CDH4: variants seen among roughly 807,000 people sequenced by gnomAD.
CDH4 encodes the protein cadherin 4.
Under a neutral mutation model 86.0 loss-of-function variants are expected in CDH4, and 33 were observed. The ratio of observed to expected loss-of-function variants is 0.38; its 90% CI spans 0.29 to 0.51. The LOEUF (loss-of-function observed/expected upper bound fraction) is 0.51, where lower values mean the gene tolerates loss of function less well. CDH4 is among the 20% of genes least tolerant of loss of function. The pLI, the probability that CDH4 is intolerant of heterozygous loss-of-function variation, is 0.86. For missense variants in CDH4, 1,114 were observed against 1,307.4 expected, an observed-to-expected ratio of 0.85 and a Z score of 2.28; for synonymous variants, 555 against 549.4, an observed-to-expected ratio of 1.01 and a Z score of -0.14.
chr20:61,579,917 G>A (rs1026745694), intron 2 of CDH4, among the ~76,000 whole-genome samples: 25 of 151,594 alleles, frequency 1.6e-4, no homozygotes, highest in African/African-American at 5.8e-4. Context: ...AAATAAGATG[G>A]CTAATTAAAT....
intron 2 of CDH4, among the ~76,000 whole-genome samples, chr20:61,378,222 G>A (rs538059785): frequency 2.6e-5 from 4 of 152,286 alleles, no homozygotes; most frequent in South Asian, 4.1e-4. Flanking sequence ...GCCACTGCAC[G>A]GCAGCCAGAG....
chr20:61,882,672 A>G (rs557475724), intron 7 of CDH4, among the ~76,000 whole-genome samples: 2 of 152,306 alleles, frequency 1.3e-5, no homozygotes, highest in East Asian at 1.9e-4. Flanking sequence ...CCTGCCGTAG[A>G]GAAATACTTC....
intron 3 of CDH4, among the ~76,000 whole-genome samples, chr20:61,762,281 C>T (rs1267731699): frequency 4.6e-5 from 7 of 152,222 alleles, no homozygotes; most frequent in East Asian, 1.9e-4. Context: ...TTATGCCTGA[C>T]GTGACCACAC....
intron 2 of CDH4, among the ~76,000 whole-genome samples, chr20:61,425,930 G>A (rs564780688): frequency 3.6e-4 from 54 of 151,936 alleles, no homozygotes; most frequent in Admixed American, 3.1e-3. Context: ...CCAATTGCAG[G>A]AGGTGCTGAT....
At chr20:61,813,034 A>G (rs1980519206) in intron 4 of CDH4, among the ~76,000 whole-genome samples, 2 of 152,252 alleles carry the variant, frequency 1.3e-5, no homozygotes, top group Admixed American at 6.5e-5. Flanking sequence ...CTCCACGCAC[A>G]CATGGGAGGC....
intron 4 of CDH4, among the ~76,000 whole-genome samples, chr20:61,779,099 G>T (rs1463837485): frequency 6.6e-6 from 1 of 152,204 alleles, no homozygotes; most frequent in Admixed American, 6.5e-5. Context: ...TACACGTTAG[G>T]TTTGACTCCT....
intron 2 of CDH4, among the ~76,000 whole-genome samples, chr20:61,588,146 C>T (rs114557852): frequency 0.02 from 2,978 of 152,290 alleles, 98 homozygotes; most frequent in African/African-American, 0.068. Context: ...TGCCACGACC[C>T]TTCTGGAAAT....
At chr20:61,733,722 A>AAAAAG (rs921872524) in intron 2 of CDH4, among the ~76,000 whole-genome samples, 2 of 152,006 alleles carry the variant, frequency 1.3e-5, no homozygotes, top group Non-Finnish European at 2.9e-5. Context: ...AGAAAGAAAG[A>AAAAAG]AAAAGAAAAG....
intron 2 of CDH4, among the ~76,000 whole-genome samples, chr20:61,277,288 A>C (rs529684602): frequency 6.6e-6 from 1 of 152,162 alleles, no homozygotes; most frequent in African/African-American, 2.4e-5. Context: ...CTTTTGTCTC[A>C]GTTTTATTAA....
chr20:61,451,424 A>G (rs942062573), intron 2 of CDH4, among the ~76,000 whole-genome samples: 6 of 152,162 alleles, frequency 3.9e-5, no homozygotes, highest in Non-Finnish European at 8.8e-5. Context: ...CAGTTTTGTA[A>G]TCTGCAAAAT....
At chr20:61,542,985 A>G (rs949225295) in intron 2 of CDH4, among the ~76,000 whole-genome samples, 1 of 152,254 alleles carries the variant, frequency 6.6e-6, no homozygotes, top group African/African-American at 2.4e-5. Flanking sequence ...GTGTAAGGCC[A>G]GGAGTCTAAA....
At chr20:61,817,684 C>T (rs920268562) in intron 4 of CDH4, among the ~76,000 whole-genome samples, 8 of 152,304 alleles carry the variant, frequency 5.3e-5, no homozygotes, top group Admixed American at 6.5e-5. Context: ...TCTGAATCCA[C>T]GGCTAGCTAT....
At position 61,252,683 on chromosome 20, in the gene CDH4, C is replaced by A. The variant is rs1362490440; in HGVS notation, c.57+113C>A. On this transcript the variant is annotated intron_variant, in intron 1 of 15. Coordinates refer to ENST00000614565, the MANE Select transcript of CDH4 (RefSeq NM_001794.5). The surrounding 1 kb of genome is among the most constrained non-coding windows in gnomAD (Gnocchi z 4.4). ...GCGGGGCTCTCCCGGGCTCCCCCGC[C>A]GCGCTCCCCGCTGCATCCAGCCCGG... 8 of 532,038 alleles carry A rather than the reference C, an allele frequency of 1.5e-5. No homozygotes were observed. The highest frequency in any genetic ancestry group is 4.4e-5 in the African/African-American group (2 of 45,376). 33.0% of individuals were successfully genotyped at this position (532,038 alleles called of 1,614,324 possible). A position where few individuals can be genotyped will look rare whatever the true frequency, so the allele number is the denominator to read the frequency against.
Position 61,590,391 on chromosome 20 carries a change from C to A in CDH4, c.170-153172C>A, listed in dbSNP as rs1023054664. Among the ~76,000 whole-genome samples the A allele has an allele frequency of 1.1e-4, 16 of 152,262 alleles. No individual in the cohort carries two copies. In the East Asian group the frequency reaches 3.1e-3, roughly 29 times the overall value. On this transcript the variant is annotated intron_variant, in intron 2 of 15. Transcript: ENST00000614565. The stretch of plus-strand genomic sequence containing the variant: ...GGGGGCAGCCCTGGCGTTTCCTGCA[C>A]CTGCAGCAGGAGGGTCAGGTTCAGG...
chr20:61,385,946 G>A (rs1397553142), intron 2 of CDH4, among the ~76,000 whole-genome samples: 3 of 152,276 alleles, frequency 2.0e-5, no homozygotes, highest in Non-Finnish European at 2.9e-5. Context: ...TTAATGCCTG[G>A]CACCAGACTG....
chr20:61,435,130 A>G (rs2085273463), intron 2 of CDH4, among the ~76,000 whole-genome samples: 1 of 152,220 alleles, frequency 6.6e-6, no homozygotes, highest in Non-Finnish European at 1.5e-5. Flanking sequence ...TTGTGTAGGC[A>G]GACGTGGCTT....
At position 61,816,665 on chromosome 20, in the gene CDH4, G is replaced by A. The variant is rs1353426066; in HGVS notation, c.577-28003G>A. Reference sequence around the variant, plus strand: ...GGCGGGCATTGGAGGGGATGATGGCGCTTGGGTGAATCGCACGTTAAATGG... The same window carrying A: ...GGCGGGCATTGGAGGGGATGATGGCACTTGGGTGAATCGCACGTTAAATGG... On this transcript the variant is annotated intron_variant, in intron 4 of 15. Transcript: ENST00000614565. Among the ~76,000 whole-genome samples the A allele has an allele frequency of 5.3e-5, 8 of 150,376 alleles. No individual in the cohort carries two copies. In the South Asian group the frequency reaches 6.4e-4, roughly 12 times the overall value.
chr20:61,650,442 T>C (rs1247157760), intron 2 of CDH4, among the ~76,000 whole-genome samples: 1 of 152,242 alleles, frequency 6.6e-6, no homozygotes, highest in African/African-American at 2.4e-5. Flanking sequence ...TTCATATGCA[T>C]AAGATATATA....
Position 61,288,695 on chromosome 20 carries a change from G to A in CDH4, c.169+33758G>A, listed in dbSNP as rs568487989. ...AGAAGCACAACTTTGCTGGGCTGCCGCGGCCGGCTCCAGACCTCACAGCAC... is the reference window on the plus strand; with the variant it reads ...AGAAGCACAACTTTGCTGGGCTGCCACGGCCGGCTCCAGACCTCACAGCAC... On this transcript the variant is annotated intron_variant, in intron 2 of 15. Transcript: ENST00000614565. Among the ~76,000 whole-genome samples, 63 of 152,350 alleles carry A rather than the reference G, an allele frequency of 4.1e-4. 1 individual carries two copies. The highest frequency in any genetic ancestry group is 6.2e-4 in the South Asian group (3 of 4,830).
Sources: gnomAD v4.1 joint callset for allele counts (sites outside exome capture counted in the v4.1 genomes callset) on GRCh38, gnomAD v4.1.1 for gene constraint, Gnocchi (gnomAD v3.1) non-coding constraint, MANE v1.5 for transcripts, NCBI Gene and HGNC (gene_info 2026-07-23, HGNC 2026-07-21) for gene names.